MIA2: variants seen among roughly 807,000 people sequenced by gnomAD.
MIA2 encodes the protein melanoma inhibitory activity protein 2.
A neutral mutation model predicts 167.8 loss-of-function variants in MIA2; 127 were observed. The ratio of observed to expected loss-of-function variants is 0.76; its 90% CI spans 0.66 to 0.88. MIA2 has a LOEUF of 0.88. Ranked by LOEUF, MIA2 falls within the 40% of genes least tolerant of loss-of-function variation. The pLI, the probability that MIA2 is intolerant of heterozygous loss-of-function variation, is 0.00. For missense variants in MIA2, 1,690 were observed against 1,624.7 expected, an observed-to-expected ratio of 1.04 and a Z score of -0.69; for synonymous variants, 552 against 541.9, an observed-to-expected ratio of 1.02 and a Z score of -0.26.
chr14:39,343,825 A>G (rs2072598363), intron 25 of MIA2, among the ~76,000 whole-genome samples: 1 of 151,970 alleles, frequency 6.6e-6, no homozygotes, highest in South Asian at 2.1e-4. Flanking sequence ...GGGTGTGTGT[A>G]TATGTGTGTA....
At chr14:39,240,010 C>A (rs1594618176) in intron 2 of MIA2, among the ~76,000 whole-genome samples, 1 of 152,176 alleles carries the variant, frequency 6.6e-6, no homozygotes, top group Non-Finnish European at 1.5e-5. Context: ...TGTGCTTGAA[C>A]TGGGTGAAGA....
At chr14:39,285,416 G>A (rs1473608817) in intron 9 of MIA2, among the ~76,000 whole-genome samples, 7 of 142,882 alleles carry the variant, frequency 4.9e-5, no homozygotes, top group Admixed American at 2.0e-4. Flanking sequence ...GCGGCTGGCC[G>A]GGCGGGGGCT....
chr14:39,363,941 G>A (rs980671961), intron 23 of MIA2, among the ~76,000 whole-genome samples: 1 of 152,170 alleles, frequency 6.6e-6, no homozygotes, highest in Admixed American at 6.5e-5. Context: ...CTTGTAGGCA[G>A]TATATAGTTT....
At chr14:39,332,050 C>T (rs1011617600) in intron 25 of MIA2, among the ~76,000 whole-genome samples, 1 of 152,178 alleles carries the variant, frequency 6.6e-6, no homozygotes, top group South Asian at 2.1e-4. Context: ...AACTTGATTC[C>T]ATTCTCCCGA....
chr14:39,279,705 A>G (rs572313254), intron 9 of MIA2, among the ~76,000 whole-genome samples, 168 bp downstream of exon 9: 2 of 152,296 alleles, frequency 1.3e-5, no homozygotes, highest in South Asian at 2.1e-4. Flanking sequence ...AATTTTAACC[A>G]TTGTAGTAGG....
At chr14:39,332,140 A>G (rs1414280395) in intron 25 of MIA2, among the ~76,000 whole-genome samples, 1 of 151,936 alleles carries the variant, frequency 6.6e-6, no homozygotes, top group Non-Finnish European at 1.5e-5. Flanking sequence ...TGTTCATTCC[A>G]TTTTATTCTT....
chr14:39,357,283 A>G (rs1021344992), intron 23 of MIA2, among the ~76,000 whole-genome samples: 13 of 152,316 alleles, frequency 8.5e-5, no homozygotes, highest in African/African-American at 3.1e-4. Flanking sequence ...TTCTTGTTGA[A>G]TTGATCCCTT....
rs1247403373 is a variant in MIA2 at position 39,340,756 on chromosome 14, A to G, written c.3656-5148A>G. On this transcript the variant is annotated intron_variant, in intron 25 of 28. Transcript: ENST00000640607. ...TTTAGGCTACCAGTTTTTTAGGAAT[A>G]TATATATCTTAATCACTTATGTCTT... Among the ~76,000 whole-genome samples, 3 of 152,206 alleles carry G rather than the reference A, an allele frequency of 2.0e-5. No homozygotes were observed. In the East Asian group the frequency reaches 5.8e-4, roughly 29 times the overall value.
rs1566746769 is a variant in MIA2 at position 39,288,449 on chromosome 14, A to ATTT, written c.2131-2569_2131-2568insTTT. ...ATATTATACATATATATATATATAT[A>ATTT]TATATATATATATATATATATATAT... On this transcript the variant is annotated intron_variant, in intron 9 of 28. Coordinates refer to ENST00000640607, the MANE Select transcript of MIA2 (RefSeq NM_001329214.4). Among the ~76,000 whole-genome samples, 31 of 4,376 alleles carry ATTT rather than the reference A, an allele frequency of 7.1e-3. 3 individuals are homozygous for ATTT. The highest frequency in any genetic ancestry group is 0.016 in the East Asian group (4 of 250). 2.9% of individuals were successfully genotyped at this position (4,376 alleles called of 152,430 possible).
At chr14:39,267,500 T>G (rs772241512) in intron 6 of MIA2, 2 of 1,613,632 alleles carry the variant, frequency 1.2e-6, no homozygotes, top group Admixed American at 3.3e-5. Flanking sequence ...TATTTGGGGC[T>G]GCTCCTGGAG....
rs547692967 is a variant in MIA2, at chr14:39,297,582, A to G, written c.2497-2282A>G. ...TTCCTCTTAATACTTTTATGTTTTC[A>G]GTATGTTACTTCCACCTTCACCTGG... On this transcript the variant is annotated intron_variant, in intron 13 of 28. Transcript: ENST00000640607. 7.2e-5 allele frequency among the ~76,000 whole-genome samples: 11 copies of G among 151,744 alleles called. No individual in the cohort carries two copies. In the South Asian group the frequency reaches 2.3e-3, roughly 32 times the overall value.
chr14:39,307,853 C>T (rs770402212), intron 17 of MIA2, among the ~76,000 whole-genome samples: 9 of 151,996 alleles, frequency 5.9e-5, no homozygotes, highest in African/African-American at 1.2e-4. Flanking sequence ...AGAGAAATGG[C>T]TCATGTTCTC....
intron 6 of MIA2, chr14:39,269,164 T>A: frequency 1.6e-6 from 1 of 641,398 alleles, no homozygotes; most frequent in Non-Finnish European, 1.9e-6. Context: ...TTAAATTTTT[T>A]TTTTATTTTT....
intron 6 of MIA2, chr14:39,266,952 C>G (rs1353827829): frequency 1.2e-5 from 8 of 656,182 alleles, no homozygotes; most frequent in African/African-American, 1.2e-4. Context: ...TGGGGTTGTG[C>G]GGCTCACACG....
At chr14:39,386,481 G>A (rs1265081832) in intron 23 of MIA2, 4 of 1,503,418 alleles carry the variant, frequency 2.7e-6, no homozygotes, top group Admixed American at 1.8e-5. Context: ...TTTACTGCCT[G>A]TACTTCAGGA....
intron 6 of MIA2, among the ~76,000 whole-genome samples, chr14:39,262,242 A>G (rs1566612866): frequency 6.6e-6 from 1 of 152,238 alleles, no homozygotes; most frequent in Non-Finnish European, 1.5e-5. Context: ...TATGGCTAGC[A>G]GTTTTCCCAG....
At chr14:39,352,510 G>T (rs1455234978), downstream of MIA2, among the ~76,000 whole-genome samples, 2 of 151,734 alleles carry the variant, frequency 1.3e-5, no homozygotes, top group African/African-American at 2.4e-5. Context: ...AGTTTATCAG[G>T]GTATGAAATT....
chr14:39,267,325 C>T (rs2055983729), intron 6 of MIA2: 3 of 1,516,026 alleles, frequency 2.0e-6, no homozygotes, highest in Non-Finnish European at 2.6e-6. Context: ...CCCCCGCAGC[C>T]GGCTCCGCAG....
At chr14:39,248,600 A>C (rs1195065800) in intron 4 of MIA2, among the ~76,000 whole-genome samples, 1 of 152,058 alleles carries the variant, frequency 6.6e-6, no homozygotes, top group Non-Finnish European at 1.5e-5. Context: ...TCCTGCTTTG[A>C]TTATCCTATT....
Sources: gnomAD v4.1 joint callset for allele counts (sites outside exome capture counted in the v4.1 genomes callset) on GRCh38, gnomAD v4.1.1 for gene constraint, MANE v1.5 for transcripts, NCBI Gene and HGNC (gene_info 2026-07-23, HGNC 2026-07-21) for gene names.